The following ANKS1B variants were observed in gnomAD, a reference collection of about 807,000 sequenced individuals.
ANKS1B encodes ankyrin repeat and sterile alpha motif domain-containing protein 1B.
In ANKS1B, 36 loss-of-function variants were observed where a neutral mutation model predicts 148.3. The observed-to-expected ratio is 0.24, with a 90% CI of 0.19 to 0.32. ANKS1B has a LOEUF of 0.32. Among genes scored for constraint, ANKS1B ranks in the 10% least tolerant of loss-of-function variants. ANKS1B has a pLI of 1.00. For missense variants in ANKS1B, 1,157 were observed against 1,542.6 expected, an observed-to-expected ratio of 0.75 and a Z score of 4.19; for synonymous variants, 542 against 560.8, an observed-to-expected ratio of 0.97 and a Z score of 0.47.
intron 15 of ANKS1B, among the ~76,000 whole-genome samples, chr12:99,118,708 C>T (rs1238346309): frequency 6.6e-6 from 1 of 152,140 alleles, no homozygotes; most frequent in Non-Finnish European, 1.5e-5. Context: ...AAAGTAACTG[C>T]ACATATACAC....
At chr12:99,690,941 C>T (rs1167522501) in intron 8 of ANKS1B, among the ~76,000 whole-genome samples, 2 of 152,182 alleles carry the variant, frequency 1.3e-5, no homozygotes, top group South Asian at 2.1e-4. Context: ...GCCCCTGTAG[C>T]AAACTTCTGC....
chr12:99,185,567 T>G (rs1463249366), intron 14 of ANKS1B, among the ~76,000 whole-genome samples: 1 of 152,114 alleles, frequency 6.6e-6, no homozygotes, highest in Admixed American at 6.5e-5. Flanking sequence ...TTGGGACGGT[T>G]AGACAGTGGG....
chr12:99,042,254 T>G (rs2099959529), intron 17 of ANKS1B, among the ~76,000 whole-genome samples: 1 of 152,166 alleles, frequency 6.6e-6, no homozygotes, highest in Non-Finnish European at 1.5e-5. Context: ...TGTTGGCAGA[T>G]GTGATGTAAG....
At chr12:99,977,030 A>C (rs1328372867) in intron 1 of ANKS1B, among the ~76,000 whole-genome samples, 1 of 152,212 alleles carries the variant, frequency 6.6e-6, no homozygotes, top group East Asian at 1.9e-4. Flanking sequence ...GGCTGAACTC[A>C]TTATTTTGTG....
chr12:99,532,721 G>T (rs984216887), intron 9 of ANKS1B, among the ~76,000 whole-genome samples: 1 of 152,126 alleles, frequency 6.6e-6, no homozygotes, highest in Non-Finnish European at 1.5e-5. Context: ...TAGGAATCCA[G>T]TTTTCATTCT....
At chr12:99,444,803 A>G (rs1428656950) in intron 10 of ANKS1B, among the ~76,000 whole-genome samples, 1 of 152,020 alleles carries the variant, frequency 6.6e-6, no homozygotes, top group African/African-American at 2.4e-5. Flanking sequence ...ACTGATTGCA[A>G]AAGAGACTGA....
chr12:99,892,469 C>T (rs930621035), intron 1 of ANKS1B, among the ~76,000 whole-genome samples: 2 of 152,062 alleles, frequency 1.3e-5, no homozygotes, highest in African/African-American at 4.8e-5. Context: ...ACTTTGGAAG[C>T]TAGAAAGTAT....
chr12:99,482,263 C>G (rs1220135736), intron 10 of ANKS1B, among the ~76,000 whole-genome samples: 3 of 151,984 alleles, frequency 2.0e-5, no homozygotes, highest in Admixed American at 2.0e-4. Context: ...CCAGTTTTCC[C>G]AGCACCATTT....
intron 14 of ANKS1B, among the ~76,000 whole-genome samples, chr12:99,213,659 G>C (rs1384470149): frequency 6.6e-6 from 1 of 152,190 alleles, no homozygotes; most frequent in Admixed American, 6.5e-5. Flanking sequence ...GCCTTCCCTT[G>C]AGTATGGTTA....
intron 17 of ANKS1B, among the ~76,000 whole-genome samples, chr12:99,037,674 A>G (rs575153322): frequency 6.6e-6 from 1 of 152,310 alleles, no homozygotes; most frequent in East Asian, 1.9e-4. Context: ...ACTGTGTTTT[A>G]GCGTCTGATT....
At chr12:99,637,649 C>G (rs762355038) in intron 9 of ANKS1B, among the ~76,000 whole-genome samples, 5 of 152,000 alleles carry the variant, frequency 3.3e-5, no homozygotes, top group Non-Finnish European at 5.9e-5. Context: ...TTCTTTCATG[C>G]TGGATGCTTC....
intron 14 of ANKS1B, among the ~76,000 whole-genome samples, chr12:99,231,485 C>CT (rs1399429468): frequency 6.6e-6 from 1 of 152,094 alleles, no homozygotes; most frequent in Admixed American, 6.6e-5. Flanking sequence ...AGCTCTTCTT[C>CT]ATCTATAAAA....
chr12:99,545,274 G>A (rs748339165), intron 9 of ANKS1B, among the ~76,000 whole-genome samples: 2 of 152,054 alleles, frequency 1.3e-5, no homozygotes, highest in African/African-American at 4.8e-5. Flanking sequence ...GATGGAGTAT[G>A]GCAAATGTAT....
chr12:99,636,596 T>A (rs527333424), intron 9 of ANKS1B, among the ~76,000 whole-genome samples: 40 of 151,974 alleles, frequency 2.6e-4, no homozygotes, highest in African/African-American at 9.2e-4. Context: ...AACCAGAAAA[T>A]TTTTTTTAAA....
downstream of ANKS1B, among the ~76,000 whole-genome samples, chr12:98,741,860 C>G (rs4762507): frequency 1.3e-5 from 2 of 152,122 alleles, no homozygotes; most frequent in African/African-American, 4.8e-5. Flanking sequence ...TGACTTCCCA[C>G]GTGTCTTACT....
intron 8 of ANKS1B, among the ~76,000 whole-genome samples, chr12:99,664,134 G>A (rs1488456203): frequency 6.6e-6 from 1 of 151,408 alleles, no homozygotes; most frequent in African/African-American, 2.4e-5. Context: ...AAATGTTAAA[G>A]TCACCTTAGA....
intron 12 of ANKS1B, among the ~76,000 whole-genome samples, chr12:99,384,824 A>T (rs889844912): frequency 3.3e-5 from 5 of 151,598 alleles, no homozygotes; most frequent in African/African-American, 1.2e-4. Context: ...TTAGTTTTAA[A>T]TTTTTTTTTA....
At chr12:99,023,768 C>T (rs1451886742) in intron 17 of ANKS1B, among the ~76,000 whole-genome samples, 1 of 150,644 alleles carries the variant, frequency 6.6e-6, no homozygotes, top group East Asian at 1.9e-4. Flanking sequence ...TATCTATATA[C>T]CTCTCTGTGA....
At chr12:98,874,522 G>A (rs370744397) in intron 17 of ANKS1B, among the ~76,000 whole-genome samples, 2 of 152,212 alleles carry the variant, frequency 1.3e-5, no homozygotes, top group South Asian at 2.1e-4. Context: ...CAATCTCATC[G>A]GGAGGAAGGT....
Sources: allele counts gnomAD v4.1 joint callset (sites outside exome capture counted in the v4.1 genomes callset), GRCh38; gene constraint gnomAD v4.1.1; transcripts MANE v1.5; gene names NCBI Gene and HGNC (gene_info 2026-07-23, HGNC 2026-07-21).